CLEC4A: variants seen among roughly 807,000 people sequenced by gnomAD.
CLEC4A encodes C-type (calcium dependent, carbohydrate-recognition domain) lectin, superfamily member 6.
In CLEC4A, 27 loss-of-function variants were observed where a neutral mutation model predicts 32.7. The ratio of observed to expected loss-of-function variants is 0.83; its 90% CI spans 0.61 to 1.14. The LOEUF is 1.14. Ranked by LOEUF, CLEC4A falls within the 50% of genes most tolerant of loss-of-function variation. CLEC4A has a pLI of 0.00. For synonymous variants in CLEC4A, 89 were observed against 93.7 expected (o/e 0.95, Z 0.29); for missense variants, 253 against 274.6 (o/e 0.92, Z 0.55).
At chr12:8,137,759 T>G (rs1948148870) in intron 5 of CLEC4A, among the ~76,000 whole-genome samples, 1 of 151,808 alleles carries the variant, frequency 6.6e-6, no homozygotes, top group African/African-American at 2.4e-5. Context: ...TTAAAAACAG[T>G]GCATTAAAAA....
chr12:8,129,480 T>G, intron 3 of CLEC4A, 118 bp downstream of exon 3: 1 of 720,822 alleles, frequency 1.4e-6, no homozygotes, highest in Non-Finnish European at 2.4e-6. Context: ...TCACAATAAT[T>G]TAAGCTACAA....
chr12:8,112,986 C>CT, the CLEC4A span, among the ~76,000 whole-genome samples: 1 of 151,810 alleles, frequency 6.6e-6, no homozygotes, highest in Non-Finnish European at 1.5e-5. Context: ...TATTATTATA[C>CT]TTTAAGTTTT....
At chr12:8,112,074 T>G in the CLEC4A span, among the ~76,000 whole-genome samples, 1 of 152,064 alleles carries the variant, frequency 6.6e-6, no homozygotes, top group African/African-American at 2.4e-5. Flanking sequence ...GTTCAAGCAA[T>G]TCTCCTGCCT....
Position 8,133,771 on chromosome 12 carries a change from T to C in CLEC4A, c.299-1814T>C. The C allele has an allele frequency of 2.5e-6, 4 of 1,584,668 alleles. No homozygotes were observed. In the South Asian group the frequency reaches 4.6e-5, roughly 18 times the overall value. Reference sequence around the variant, plus strand: ...CCCCATTCCTAGAAGGGCAGGCACCTCAGTTTGAATGCATGGGAGAGCCCA... The same window carrying C: ...CCCCATTCCTAGAAGGGCAGGCACCCCAGTTTGAATGCATGGGAGAGCCCA... On this transcript the variant is annotated intron_variant, in intron 3 of 5. Coordinates refer to ENST00000229332, the MANE Select transcript of CLEC4A (RefSeq NM_016184.4).
chr12:8,125,989 CTA>C (rs1565402898), intron 2 of CLEC4A, among the ~76,000 whole-genome samples: 1 of 152,186 alleles, frequency 6.6e-6, no homozygotes, highest in African/African-American at 2.4e-5. Flanking sequence ...GAGGACAAAT[CTA>C]TGTTTCCTTG....
At chr12:8,130,870 G>T (rs1947984255) in intron 3 of CLEC4A, among the ~76,000 whole-genome samples, 1 of 151,954 alleles carries the variant, frequency 6.6e-6, no homozygotes, top group Non-Finnish European at 1.5e-5. Flanking sequence ...CAATTTTCAG[G>T]TTTCCTTAGT....
chr12:8,133,850 G>C (rs1948042786), intron 3 of CLEC4A: 3 of 1,585,104 alleles, frequency 1.9e-6, no homozygotes, highest in Non-Finnish European at 2.6e-6. Flanking sequence ...AGGGACCGAG[G>C]AGTACAGTGC....
At chr12:8,138,048 C>T in intron 5 of CLEC4A, 92 bp from the exon 6 acceptor site, 3 of 1,389,794 alleles carry the variant, frequency 2.2e-6, no homozygotes, top group Non-Finnish European at 2.9e-6. Flanking sequence ...CCCTATGTTC[C>T]ATGAAATTCA....
Position 8,138,403 on chromosome 12 carries a change from A to G in CLEC4A, c.*116A>G. 1.6e-6 allele frequency: 2 copies of G among 1,212,254 alleles called. No homozygotes were observed. The highest frequency in any genetic ancestry group is 2.3e-6 in the Non-Finnish European group (2 of 854,908). The allele number at this position is 1,212,254 out of a possible 1,614,324, so 75.1% of individuals were successfully genotyped here. A position where few individuals can be genotyped will look rare whatever the true frequency, so the allele number is the denominator to read the frequency against. On this transcript the variant is annotated 3_prime_UTR_variant, in exon 6 of 6. Transcript: ENST00000229332. ...TCCATAGAATTTAGGTGGTCTGTCA[A>G]CTATTCTACTTATGAGAGAATTGGT...
intron 3 of CLEC4A, chr12:8,134,979 G>GTTTTTGTTTTTTTT: frequency 1.2e-5 from 2 of 161,408 alleles, no homozygotes; most frequent in Non-Finnish European, 1.7e-5. Context: ...AAGCGTTTTT[G>GTTTTTGTTTTTTTT]TTTTTTGTTT....
chr12:8,103,700 A>G, the CLEC4A span, among the ~76,000 whole-genome samples: 8 of 151,860 alleles, frequency 5.3e-5, no homozygotes, highest in African/African-American at 1.7e-4. Flanking sequence ...GTTGTTTTTC[A>G]TATGCCACAA....
the CLEC4A span, among the ~76,000 whole-genome samples, chr12:8,109,416 C>T: frequency 6.6e-6 from 1 of 152,188 alleles, no homozygotes; most frequent in African/African-American, 2.4e-5. Context: ...AGACAGACTA[C>T]TTTGCTACAA....
At chr12:8,103,833 CT>C in the CLEC4A span, among the ~76,000 whole-genome samples, 1 of 152,140 alleles carries the variant, frequency 6.6e-6, no homozygotes, top group Admixed American at 6.6e-5. Context: ...AAATGTTTAC[CT>C]ATCCTTCCAA....
rs770164609 is a variant in CLEC4A, at chr12:8,133,293, C to T, written c.299-2292C>T. ...CTAGAACTCCCGACCACAGGTGATC[C>T]GCCCGCCTCAGCCTCCTAAAGTGCT... On this transcript the variant is annotated intron_variant, in intron 3 of 5. Coordinates refer to ENST00000229332, the MANE Select transcript of CLEC4A (RefSeq NM_016184.4). Among the ~76,000 whole-genome samples the T allele has an allele frequency of 1.1e-4, 17 of 152,186 alleles. No homozygotes were observed. The South Asian group carries it at 2.9e-3, about 26-fold the overall frequency.
intron 4 of CLEC4A, 59 bp downstream of exon 4, chr12:8,135,795 G>T (rs1185283431): frequency 3.9e-6 from 6 of 1,555,332 alleles, no homozygotes; most frequent in African/African-American, 2.7e-5. Flanking sequence ...TATCTCTCTT[G>T]GCTAAGAAGG....
At chr12:8,112,937 GTTAAT>G in the CLEC4A span, among the ~76,000 whole-genome samples, 1 of 152,158 alleles carries the variant, frequency 6.6e-6, no homozygotes. Context: ...GAATAATACA[GTTAAT>G]AACCATATAT....
intron 3 of CLEC4A, chr12:8,134,982 TTTTG>T: frequency 6.8e-6 from 2 of 292,268 alleles, no homozygotes; most frequent in Non-Finnish European, 1.1e-5. Flanking sequence ...CGTTTTTGTT[TTTTG>T]TTTTTTTTTA....
chr12:8,138,082 C>A, intron 5 of CLEC4A, 58 bp from the exon 6 acceptor site: 1 of 1,568,370 alleles, frequency 6.4e-7, no homozygotes, highest in Non-Finnish European at 8.7e-7. Context: ...ACCCCTGTCT[C>A]TAACCCTTTT....
At chr12:8,134,973 G>GTTTTTTTTTTTTTTTTTTTTTT (rs371181779) in intron 3 of CLEC4A, 10 of 290,640 alleles carry the variant, frequency 3.4e-5, no homozygotes, top group African/African-American at 1.5e-4. Flanking sequence ...TTGTTGAAGC[G>GTTTTTTTTTTTTTTTTTTTTTT]TTTTTGTTTT....
Sources: allele counts gnomAD v4.1 joint callset (sites outside exome capture counted in the v4.1 genomes callset), GRCh38; gene constraint gnomAD v4.1.1; transcripts MANE v1.5; gene names NCBI Gene and HGNC (gene_info 2026-07-23, HGNC 2026-07-21).